Variants in NCEH1 observed in about 807,000 individuals in gnomAD.
The protein encoded by NCEH1 is 2-acetyl MAGE hydrolase.
In NCEH1, 9 loss-of-function variants were observed where a neutral mutation model predicts 25.4. The ratio of observed to expected loss-of-function variants is 0.35; its 90% CI spans 0.21 to 0.62. NCEH1 has a LOEUF of 0.62. NCEH1 is among the 20% of genes least tolerant of loss of function. The pLI, the probability that NCEH1 is intolerant of heterozygous loss-of-function variation, is 0.72. For missense variants in NCEH1, 412 were observed against 501.1 expected (o/e 0.82, Z 1.70); for synonymous variants, 200 against 199.8 (o/e 1.00, Z -0.01).
chr3:172,665,042 C>A (rs1004948279), intron 1 of NCEH1, among the ~76,000 whole-genome samples: 1 of 151,798 alleles, frequency 6.6e-6, no homozygotes, highest in Non-Finnish European at 1.5e-5. Context: ...ATGAGGCACT[C>A]TGATTTTTAG....
chr3:172,673,787 G>A (rs1711781028), intron 1 of NCEH1, among the ~76,000 whole-genome samples: 1 of 152,198 alleles, frequency 6.6e-6, no homozygotes, highest in Non-Finnish European at 1.5e-5. Flanking sequence ...CATTTTAAAA[G>A]AAATTAAACC....
intron 1 of NCEH1, among the ~76,000 whole-genome samples, chr3:172,676,240 C>A (rs545130344): frequency 6.6e-6 from 1 of 152,098 alleles, no homozygotes; most frequent in African/African-American, 2.4e-5. Context: ...AAGCAAACCC[C>A]GAACCATTTC....
chr3:172,707,358 T>C (rs1008951161), intron 1 of NCEH1, among the ~76,000 whole-genome samples: 10 of 152,158 alleles, frequency 6.6e-5, no homozygotes, highest in African/African-American at 2.4e-4. Context: ...AACACAGAAA[T>C]TTGCCTAGCT....
intron 1 of NCEH1, among the ~76,000 whole-genome samples, chr3:172,672,852 G>A (rs1711721184): frequency 6.6e-6 from 1 of 152,214 alleles, no homozygotes; most frequent in Non-Finnish European, 1.5e-5. Flanking sequence ...GCAAGACGAA[G>A]CCACCTCAAC....
chr3:172,682,906 T>G (rs1295316054), intron 1 of NCEH1, among the ~76,000 whole-genome samples: 2 of 152,324 alleles, frequency 1.3e-5, no homozygotes, highest in Admixed American at 6.5e-5. Flanking sequence ...GTGAAAATTA[T>G]CAGAACTCTT....
At chr3:172,639,546 C>A (rs1249008740) in intron 3 of NCEH1, among the ~76,000 whole-genome samples, 1 of 152,088 alleles carries the variant, frequency 6.6e-6, no homozygotes, top group East Asian at 1.9e-4. Context: ...TATGTCCCTG[C>A]AAAGTAGTGA....
At chr3:172,637,135 G>A (rs1396856530) in intron 3 of NCEH1, among the ~76,000 whole-genome samples, 1 of 152,170 alleles carries the variant, frequency 6.6e-6, no homozygotes, top group Admixed American at 6.5e-5. Flanking sequence ...ATCAGGAACT[G>A]TGTTTTATTC....
rs76133701 is a variant in NCEH1, at chr3:172,688,898, C to T, written c.138+21949G>A. Among the ~76,000 whole-genome samples, 395 of 152,284 alleles carry T rather than the reference C, an allele frequency of 2.6e-3. 2 individuals are homozygous for T. The highest frequency in any genetic ancestry group is 8.3e-3 in the African/African-American group (343 of 41,562). ...CAACCCAAGCAGGGGTGGAAGCTGACAATCCTCACATAAACTGAAAAACCA... is the reference window on the plus strand; with the variant it reads ...CAACCCAAGCAGGGGTGGAAGCTGATAATCCTCACATAAACTGAAAAACCA... On this transcript the variant is annotated intron_variant, in intron 1 of 4. Coordinates refer to ENST00000475381, the MANE Select transcript of NCEH1 (RefSeq NM_020792.6).
At chr3:172,646,487 G>C (rs1157901438) in intron 2 of NCEH1, among the ~76,000 whole-genome samples, 1 of 152,122 alleles carries the variant, frequency 6.6e-6, no homozygotes, top group African/African-American at 2.4e-5. Context: ...GGAAGTCTTA[G>C]CATTTCTTAG....
At chr3:172,662,591 G>A (rs1301754811) in intron 1 of NCEH1, among the ~76,000 whole-genome samples, 2 of 152,150 alleles carry the variant, frequency 1.3e-5, no homozygotes, top group Non-Finnish European at 2.9e-5. Flanking sequence ...AATCTGTCTG[G>A]CCCTGGAATT....
chr3:172,660,318 T>C (rs889913316), intron 1 of NCEH1, among the ~76,000 whole-genome samples: 280 of 152,376 alleles, frequency 1.8e-3, no homozygotes, highest in Middle Eastern at 3.4e-3. Flanking sequence ...TCATTTTTTA[T>C]GGCTGCATAG....
chr3:172,672,141 T>C (rs1345190848), intron 1 of NCEH1, among the ~76,000 whole-genome samples: 1 of 152,238 alleles, frequency 6.6e-6, no homozygotes, highest in Non-Finnish European at 1.5e-5. Context: ...TATGTTTAGA[T>C]ATACAAATAC....
At chr3:172,639,868 C>T (rs758569932) in intron 3 of NCEH1, among the ~76,000 whole-genome samples, 4 of 152,212 alleles carry the variant, frequency 2.6e-5, no homozygotes, top group East Asian at 1.9e-4. Context: ...GTTCTACAGA[C>T]GTATGTCACT....
chr3:172,660,561 A>G (rs1203298186), intron 1 of NCEH1, among the ~76,000 whole-genome samples: 1 of 152,254 alleles, frequency 6.6e-6, no homozygotes, highest in Non-Finnish European at 1.5e-5. Flanking sequence ...ACTGTCTTCC[A>G]CAATGGTTGA....
chr3:172,694,631 C>T (rs773920146), intron 1 of NCEH1, among the ~76,000 whole-genome samples: 7 of 152,200 alleles, frequency 4.6e-5, no homozygotes, highest in Admixed American at 1.3e-4. Context: ...TGGAAAGGCA[C>T]AGGTGCCTGG....
rs1553830302 is a variant in NCEH1 at position 172,653,735 on chromosome 3, G to GTTTTTTTTTTTTTTTT, written c.139-5622_139-5621insAAAAAAAAAAAAAAAA. Among the ~76,000 whole-genome samples the GTTTTTTTTTTTTTTTT allele has an allele frequency of 3.0e-4, 21 of 71,002 alleles. 1 individual carries two copies. Among genetic ancestry groups the GTTTTTTTTTTTTTTTT allele is most frequent in the African/African-American group, 1.0e-3 (20 of 19,698 alleles). 46.6% of individuals were successfully genotyped at this position (71,002 alleles called of 152,430 possible). ...TTGTTTTTGTTGTTGTTGTTGTTCT[G>GTTTTTTTTTTTTTTTT]TTTTTTTTGTTTTTTTGTTTTTTTG... On this transcript the variant is annotated intron_variant, in intron 1 of 4. Transcript: ENST00000475381.
chr3:172,687,135 A>G (rs1235931649), intron 1 of NCEH1, among the ~76,000 whole-genome samples: 1 of 152,178 alleles, frequency 6.6e-6, no homozygotes, highest in Non-Finnish European at 1.5e-5. Flanking sequence ...AAATAGGCCT[A>G]CTTCCCAAAC....
At chr3:172,653,743 TGTTTTTTTG>T (rs1717533693) in intron 1 of NCEH1, among the ~76,000 whole-genome samples, 7 of 110,616 alleles carry the variant, frequency 6.3e-5, no homozygotes, top group African/African-American at 2.9e-4. Flanking sequence ...CTGTTTTTTT[TGTTTTTTTG>T]TTTTTTTGTT....
intron 1 of NCEH1, among the ~76,000 whole-genome samples, chr3:172,693,287 G>A (rs1443190696): frequency 6.6e-6 from 1 of 152,102 alleles, no homozygotes; most frequent in African/African-American, 2.4e-5. Context: ...CAAAATATAA[G>A]ACTATATGTT....
Sources: allele counts gnomAD v4.1 joint callset (sites outside exome capture counted in the v4.1 genomes callset), GRCh38; gene constraint gnomAD v4.1.1; transcripts MANE v1.5; gene names NCBI Gene and HGNC (gene_info 2026-07-23, HGNC 2026-07-21).